Variants in SGCZ observed in about 807,000 individuals in gnomAD.
SGCZ encodes sarcoglycan zeta, also known as zeta-sarcoglycan.
A neutral mutation model predicts 41.3 loss-of-function variants in SGCZ; 40 were observed. That is an observed-to-expected ratio of 0.97 (90% CI 0.75 to 1.26). The LOEUF (loss-of-function observed/expected upper bound fraction) is 1.26. SGCZ is among the 50% of genes most tolerant of loss of function. The pLI, the probability that SGCZ is intolerant of heterozygous loss-of-function variation, is 0.00. For missense variants in SGCZ, 552 were observed against 369.8 expected (o/e 1.49, Z -4.04); for synonymous variants, 206 against 137.5 (o/e 1.50, Z -3.49).
At chr8:14,399,944 A>G (rs1255474095) in intron 2 of SGCZ, among the ~76,000 whole-genome samples, 1 of 152,006 alleles carries the variant, frequency 6.6e-6, no homozygotes, top group African/African-American at 2.4e-5. Context: ...TAGAAACTCC[A>G]ACCTGGTTAC....
At chr8:14,149,378 C>G (rs1029482237) in intron 5 of SGCZ, among the ~76,000 whole-genome samples, 8 of 151,870 alleles carry the variant, frequency 5.3e-5, no homozygotes, top group Non-Finnish European at 8.8e-5. Context: ...TTTCTATATG[C>G]CAACAGTGAA....
At chr8:14,676,729 A>C (rs895783849) in intron 1 of SGCZ, among the ~76,000 whole-genome samples, 1 of 152,252 alleles carries the variant, frequency 6.6e-6, no homozygotes, top group Non-Finnish European at 1.5e-5. Context: ...TGATCATATC[A>C]ACAGATGCAG....
At chr8:14,435,057 A>T (rs969485559) in intron 2 of SGCZ, among the ~76,000 whole-genome samples, 16 of 152,168 alleles carry the variant, frequency 1.1e-4, no homozygotes, top group Non-Finnish European at 1.9e-4. Flanking sequence ...TATAATTAGA[A>T]TGATGTATTT....
chr8:15,178,838 A>C (rs1419010721), intron 1 of SGCZ, among the ~76,000 whole-genome samples: 1 of 152,212 alleles, frequency 6.6e-6, no homozygotes, highest in Admixed American at 6.5e-5. Context: ...GTTCTCCACA[A>C]ACTGTATTTT....
intron 1 of SGCZ, among the ~76,000 whole-genome samples, chr8:14,709,240 G>A (rs1353979246): frequency 6.6e-6 from 1 of 152,134 alleles, no homozygotes; most frequent in Admixed American, 6.5e-5. Context: ...CATCTAGCTT[G>A]TATCAAATTC....
At chr8:14,831,722 C>A (rs960725675) in intron 1 of SGCZ, among the ~76,000 whole-genome samples, 1 of 151,122 alleles carries the variant, frequency 6.6e-6, no homozygotes, top group Non-Finnish European at 1.5e-5. Flanking sequence ...TAAAAAACGT[C>A]TTTGAAAGCT....
At chr8:14,267,418 A>G (rs1799911738) in intron 3 of SGCZ, among the ~76,000 whole-genome samples, 1 of 152,040 alleles carries the variant, frequency 6.6e-6, no homozygotes, top group Non-Finnish European at 1.5e-5. Flanking sequence ...GTATTGTAAG[A>G]TGTGGTTTGC....
chr8:14,420,887 A>AT (rs1248535248), intron 2 of SGCZ, among the ~76,000 whole-genome samples: 1 of 152,110 alleles, frequency 6.6e-6, no homozygotes, highest in African/African-American at 2.4e-5. Flanking sequence ...TTATATTTGT[A>AT]TGCAGTTCTT....
intron 1 of SGCZ, among the ~76,000 whole-genome samples, chr8:14,860,990 G>T (rs1803728154): frequency 6.6e-6 from 1 of 152,176 alleles, no homozygotes; most frequent in African/African-American, 2.4e-5. Flanking sequence ...TATCACTGCT[G>T]TTTCTTGCCT....
chr8:14,350,439 T>G (rs17119141), intron 2 of SGCZ, among the ~76,000 whole-genome samples: 19,024 of 152,092 alleles, frequency 0.13, 2,613 homozygotes, highest in African/African-American at 0.34. Flanking sequence ...ATTCTGTTGC[T>G]ACTGAAGCAT....
chr8:15,213,512 A>AT (rs991808247), intron 1 of SGCZ, among the ~76,000 whole-genome samples: 1 of 151,480 alleles, frequency 6.6e-6, no homozygotes, highest in African/African-American at 2.4e-5. Context: ...TATATTAAAT[A>AT]TTAAAAACCT....
At chr8:14,713,886 C>A (rs1809602060) in intron 1 of SGCZ, among the ~76,000 whole-genome samples, 1 of 152,062 alleles carries the variant, frequency 6.6e-6, no homozygotes, top group South Asian at 2.1e-4. Flanking sequence ...AGCTAATCAC[C>A]TTAACTTACG....
intron 2 of SGCZ, among the ~76,000 whole-genome samples, chr8:14,412,713 G>T (rs1407921259): frequency 1.3e-5 from 2 of 151,970 alleles, no homozygotes; most frequent in Admixed American, 1.3e-4. Context: ...AAGGGCTAAT[G>T]TATTCAATAT....
At chr8:14,452,644 T>G (rs2116930167) in intron 2 of SGCZ, among the ~76,000 whole-genome samples, 1 of 152,262 alleles carries the variant, frequency 6.6e-6, no homozygotes, top group South Asian at 2.1e-4. Flanking sequence ...TCACTGATTG[T>G]AACAAATGTA....
chr8:14,426,318 G>A (rs924369775), intron 2 of SGCZ, among the ~76,000 whole-genome samples: 3 of 152,098 alleles, frequency 2.0e-5, no homozygotes, highest in Admixed American at 6.6e-5. Context: ...CCAGAGTGAA[G>A]GAAGCATGTA....
intron 2 of SGCZ, among the ~76,000 whole-genome samples, chr8:14,432,914 C>CAAAAAAAAAAAAAAAAAAA (rs767979164): frequency 7.9e-5 from 6 of 75,600 alleles, no homozygotes; most frequent in Non-Finnish European, 7.4e-5. Flanking sequence ...ACTGTGTCTC[C>CAAAAAAAAAAAAAAAAAAA]AAAAAAAAAA....
intron 1 of SGCZ, among the ~76,000 whole-genome samples, chr8:14,560,444 G>C (rs957772635): frequency 6.6e-6 from 1 of 151,950 alleles, no homozygotes; most frequent in Non-Finnish European, 1.5e-5. Flanking sequence ...AGCGGAGAAG[G>C]GGAAGAATGT....
At chr8:14,943,219 C>T (rs950641502) in intron 1 of SGCZ, among the ~76,000 whole-genome samples, 8 of 152,264 alleles carry the variant, frequency 5.3e-5, no homozygotes, top group African/African-American at 1.9e-4. Flanking sequence ...AACACAACCT[C>T]TGAATGAGGA....
At chr8:14,546,233 C>T (rs922597121) in intron 2 of SGCZ, among the ~76,000 whole-genome samples, 2 of 152,106 alleles carry the variant, frequency 1.3e-5, no homozygotes, top group African/African-American at 4.8e-5. Flanking sequence ...TGTAGTCACG[C>T]CCTAGAAGGT....
Sources: gnomAD v4.1 joint callset for allele counts (sites outside exome capture counted in the v4.1 genomes callset) on GRCh38, gnomAD v4.1.1 for gene constraint, MANE v1.5 for transcripts, NCBI Gene and HGNC (gene_info 2026-07-23, HGNC 2026-07-21) for gene names.